The following MAPDA variants were observed in gnomAD, a reference collection of about 807,000 sequenced individuals.
MAPDA encodes N6,N6-dimethyl-AMP deaminase.
At chr15:43,335,961 A>G in the MAPDA span, 2 of 1,087,130 alleles carry the variant, frequency 1.8e-6, no homozygotes, top group Non-Finnish European at 2.6e-6. Context: ...ATATCTTAAC[A>G]TACAACATTT....
chr15:43,343,570 G>T, the MAPDA span, among the ~76,000 whole-genome samples: 1 of 152,048 alleles, frequency 6.6e-6, no homozygotes, highest in Non-Finnish European at 1.5e-5. Context: ...TCCTCAGAGG[G>T]GCCTTCCTTT....
chr15:43,349,460 T>G, the MAPDA span: 1 of 621,414 alleles, frequency 1.6e-6, no homozygotes, highest in Non-Finnish European at 2.0e-6. Context: ...ATTGTCTATG[T>G]GTTTATGAAG....
At chr15:43,346,799 A>G in the MAPDA span, among the ~76,000 whole-genome samples, 1 of 152,236 alleles carries the variant, frequency 6.6e-6, no homozygotes, top group Non-Finnish European at 1.5e-5. Context: ...GTTTACTGAT[A>G]CTAGACAAGA....
the MAPDA span, among the ~76,000 whole-genome samples, chr15:43,346,190 A>G: frequency 6.6e-6 from 1 of 152,202 alleles, no homozygotes; most frequent in Admixed American, 6.5e-5. Flanking sequence ...CTAAAAGAAA[A>G]AAAAAGAGTT....
the MAPDA span, chr15:43,331,765 A>T: frequency 1.3e-5 from 2 of 152,224 alleles, no homozygotes; most frequent in African/African-American, 4.8e-5. Flanking sequence ...TGTTTCAGTG[A>T]ATAGGAGGTG....
At chr15:43,338,397 A>G in the MAPDA span, among the ~76,000 whole-genome samples, 1 of 152,258 alleles carries the variant, frequency 6.6e-6, no homozygotes, top group African/African-American at 2.4e-5. Context: ...TTGTTATTAC[A>G]TGTACCAGAC....
chr15:43,334,464 T>C, the MAPDA span, among the ~76,000 whole-genome samples: 1 of 150,646 alleles, frequency 6.6e-6, no homozygotes, highest in Admixed American at 6.6e-5. Flanking sequence ...CCTGTCTCTA[T>C]TAAAAATACA....
chr15:43,351,970 G>C, the MAPDA span: 1 of 1,537,186 alleles, frequency 6.5e-7, no homozygotes, highest in Non-Finnish European at 8.8e-7. Context: ...AACTACTTCT[G>C]AGTATGTGTT....
At chr15:43,337,352 A>G in the MAPDA span, among the ~76,000 whole-genome samples, 3 of 152,130 alleles carry the variant, frequency 2.0e-5, no homozygotes, top group African/African-American at 7.2e-5. Context: ...TCTGTATTAC[A>G]TAGGAGACTT....
chr15:43,345,820 A>G, the MAPDA span: 16 of 1,613,364 alleles, frequency 9.9e-6, no homozygotes, highest in East Asian at 2.2e-5. Flanking sequence ...TCTGTGTCAT[A>G]TTAGTTTTCA....
chr15:43,341,483 G>A, the MAPDA span, among the ~76,000 whole-genome samples: 1 of 152,280 alleles, frequency 6.6e-6, no homozygotes, highest in African/African-American at 2.4e-5. Flanking sequence ...GGAAATACTC[G>A]GACTCATGTT....
At chr15:43,338,686 C>G in the MAPDA span, among the ~76,000 whole-genome samples, 26,240 of 152,056 alleles carry the variant, frequency 0.17, 2,453 homozygotes, top group Middle Eastern at 0.27. Context: ...AGAGGAAAGC[C>G]CAAAGAGCTG....
At chr15:43,332,549 AT>A in the MAPDA span, among the ~76,000 whole-genome samples, 75 of 152,212 alleles carry the variant, frequency 4.9e-4, no homozygotes, top group Middle Eastern at 3.4e-3. Context: ...ATGGAGTAAA[AT>A]TTCTGATTTC....
chr15:43,350,883 A>C, the MAPDA span: 1 of 1,369,420 alleles, frequency 7.3e-7, no homozygotes, highest in South Asian at 1.3e-5. Context: ...CTTGGTGAAC[A>C]CTGAATGAGT....
the MAPDA span, chr15:43,351,181 C>A: frequency 6.1e-4 from 470 of 775,420 alleles, 2 homozygotes; most frequent in African/African-American, 7.3e-3. Flanking sequence ...CGGGGTGTGG[C>A]TGAGTATGGT....
chr15:43,351,042 G>GT, the MAPDA span: 1 of 1,551,074 alleles, frequency 6.4e-7, no homozygotes, highest in South Asian at 1.2e-5. Flanking sequence ...TGTGATCTGT[G>GT]TAAGGTGTTC....
the MAPDA span, among the ~76,000 whole-genome samples, chr15:43,345,310 G>A: frequency 1.4e-5 from 2 of 146,636 alleles, no homozygotes; most frequent in East Asian, 2.0e-4. Context: ...GCCCGAGATT[G>A]CACCATTGCA....
At chr15:43,353,119 T>TC in the MAPDA span, 6 of 152,056 alleles carry the variant, frequency 3.9e-5, no homozygotes, top group Non-Finnish European at 7.4e-5. Context: ...GAAAGATACC[T>TC]CTAGTAGTGG....
the MAPDA span, chr15:43,346,953 G>T: frequency 8.1e-7 from 1 of 1,229,708 alleles, no homozygotes; most frequent in Non-Finnish European, 1.2e-6. Flanking sequence ...TTGGAATGGA[G>T]TACTCAGTTC....
Sources: allele counts gnomAD v4.1 joint callset (sites outside exome capture counted in the v4.1 genomes callset), GRCh38; gene constraint gnomAD v4.1.1; transcripts MANE v1.5; gene names NCBI Gene and HGNC (gene_info 2026-07-23, HGNC 2026-07-21).